The following FBXO34 variants were observed in gnomAD, a reference collection of about 807,000 sequenced individuals.
FBXO34 encodes F-box protein 34.
A neutral mutation model predicts 24.5 loss-of-function variants in FBXO34; 12 were observed. The ratio of observed to expected loss-of-function variants is 0.49; its 90% CI spans 0.31 to 0.79. FBXO34 has a LOEUF of 0.79. FBXO34 is among the 30% of genes least tolerant of loss of function. FBXO34 has a pLI of 0.04. For missense variants in FBXO34, 823 were observed against 857.7 expected, an observed-to-expected ratio of 0.96 and a Z score of 0.51; for synonymous variants, 320 against 311.9, an observed-to-expected ratio of 1.03 and a Z score of -0.27.
chr14:55,418,963 C>T, the FBXO34 span, among the ~76,000 whole-genome samples: 1 of 152,224 alleles, frequency 6.6e-6, no homozygotes, highest in African/African-American at 2.4e-5. Context: ...AGAACTTAAA[C>T]TCACCAAGGC....
Position 55,275,823 on chromosome 14 carries a change from CAAAAAAAAAA to C in FBXO34, c.-11+4295_-11+4304del, listed in dbSNP as rs57849080. Among the ~76,000 whole-genome samples, 4 of 90,036 alleles carry C rather than the reference CAAAAAAAAAA, an allele frequency of 4.4e-5. No homozygotes were observed. In the East Asian group the frequency reaches 1.4e-3, roughly 32 times the overall value. 59.1% of individuals were successfully genotyped at this position (90,036 alleles called of 152,430 possible). ...TGGGTGACAGAGCGAGACTCTGTCT[CAAAAAAAAAA>C]AAAAAAAACGAGGATAAACTATGTT... On this transcript the variant is annotated intron_variant, in intron 1 of 1. Transcript: ENST00000313833.
intron 1 of FBXO34, among the ~76,000 whole-genome samples, chr14:55,331,704 T>C (rs1340503579): frequency 1.6e-5 from 1 of 62,042 alleles, no homozygotes; most frequent in African/African-American, 1.7e-4. Context: ...TATATATATA[T>C]GTATATATAT....
At chr14:55,340,171 G>T (rs933227692) in intron 1 of FBXO34, among the ~76,000 whole-genome samples, 1 of 152,166 alleles carries the variant, frequency 6.6e-6, no homozygotes, top group African/African-American at 2.4e-5. Flanking sequence ...GAGTACGGGG[G>T]TGTGCCACTG....
the FBXO34 span, among the ~76,000 whole-genome samples, chr14:55,375,897 A>G: frequency 3.9e-5 from 6 of 152,362 alleles, no homozygotes; most frequent in Non-Finnish European, 8.8e-5. Context: ...CATGAAGTAT[A>G]ACTTTCCTTG....
chr14:55,350,907 A>G lies in FBXO34; in HGVS notation c.517A>G (p.Arg173Gly). 2 of 1,613,880 alleles carry G rather than the reference A, an allele frequency of 1.2e-6. No individual in the cohort carries two copies. Among genetic ancestry groups the G allele is most frequent in the South Asian group, 1.1e-5 (1 of 90,986 alleles). The change falls in exon 2 of 2, where the codon AGG becomes GGG. Residue 173 changes from arginine to glycine, a missense_variant. This residue lies in a region of FBXO34 where 693 missense variants were observed against 659.1 expected (regional missense o/e 1.05). Coordinates refer to ENST00000313833, the MANE Select transcript of FBXO34 (RefSeq NM_017943.4). The part of the protein sequence containing the change: ...QVERMREVNS[R>G]CYQPEPFACG... ...GGAAAGGATGAGGGAGGTTAACAGC[A>G]GGTGCTACCAACCTGAGCCTTTTGC... is the stretch of plus-strand genomic sequence containing the variant.
At chr14:55,367,101 G>A (rs1884696298) in intron 2 of FBXO34, 1 of 152,504 alleles carries the variant, frequency 6.6e-6, no homozygotes, top group Admixed American at 6.6e-5. Context: ...TAAATTTTGT[G>A]GAAGTACTCT....
At chr14:55,397,445 A>G in the FBXO34 span, 5 of 1,605,382 alleles carry the variant, frequency 3.1e-6, no homozygotes, top group Non-Finnish European at 4.3e-6. Flanking sequence ...CTGTAACAAA[A>G]AAATTCAATG....
At chr14:55,355,233 C>A (rs979333722), downstream of FBXO34, 4 of 152,314 alleles carry the variant, frequency 2.6e-5, no homozygotes, top group African/African-American at 9.7e-5. Flanking sequence ...GTAAGAGTAA[C>A]ATTTGCTTTT....
intron 1 of FBXO34, chr14:55,285,641 T>TG (rs1881736735): frequency 2.0e-5 from 3 of 152,214 alleles, no homozygotes; most frequent in African/African-American, 7.2e-5. Flanking sequence ...AAGGAGAACA[T>TG]GCCTCCTTAA....
At chr14:55,361,034 T>C (rs2140103606) in intron 3 of FBXO34, among the ~76,000 whole-genome samples, 1 of 152,260 alleles carries the variant, frequency 6.6e-6, no homozygotes, top group East Asian at 1.9e-4. Flanking sequence ...TTTTTCCTCT[T>C]TCCATGAATC....
the FBXO34 span, chr14:55,380,661 T>G: frequency 6.2e-7 from 1 of 1,611,542 alleles, no homozygotes; most frequent in Non-Finnish European, 8.5e-7. Context: ...GCAGCACTGA[T>G]GGTGTAGGCA....
chr14:55,389,353 G>C, the FBXO34 span, among the ~76,000 whole-genome samples: 1 of 152,186 alleles, frequency 6.6e-6, no homozygotes, highest in African/African-American at 2.4e-5. Context: ...ACTGAACAAA[G>C]AGCCTTTGGA....
At chr14:55,285,903 A>G (rs1881745738) in intron 1 of FBXO34, among the ~76,000 whole-genome samples, 1 of 152,302 alleles carries the variant, frequency 6.6e-6, no homozygotes, top group African/African-American at 2.4e-5. Flanking sequence ...ACTCTTGCAT[A>G]AGTCCCTTAA....
At position 55,351,786 on chromosome 14, in the gene FBXO34, G is replaced by GACC; in HGVS notation, c.1398_1400dup (p.Asp466_Gln467insHis). The GACC allele has an allele frequency of 6.2e-7, 1 of 1,614,202 alleles. No individual in the cohort carries two copies. Among genetic ancestry groups the GACC allele is most frequent in the Non-Finnish European group, 8.5e-7 (1 of 1,180,054 alleles). On this transcript the variant is annotated inframe_insertion, in exon 2 of 2. Coordinates refer to ENST00000313833, the MANE Select transcript of FBXO34 (RefSeq NM_017943.4). ...TATCACTGTGTCCAAGGTAGACAAA[G>GACC]ACCAGCCTTCCATTTTAAACTCCTG...
chr14:55,324,032 C>T (rs1339090877), intron 1 of FBXO34, among the ~76,000 whole-genome samples: 1 of 152,010 alleles, frequency 6.6e-6, no homozygotes, highest in Non-Finnish European at 1.5e-5. Flanking sequence ...ACATTTTTGT[C>T]ACCCCCATGG....
the FBXO34 span, among the ~76,000 whole-genome samples, chr14:55,411,149 C>T: frequency 9.2e-5 from 14 of 152,220 alleles, no homozygotes; most frequent in Non-Finnish European, 1.6e-4. Flanking sequence ...CTGTGACAGA[C>T]TACCAGGCCC....
chr14:55,328,305 G>C (rs1411479768), intron 1 of FBXO34, among the ~76,000 whole-genome samples: 4 of 152,126 alleles, frequency 2.6e-5, no homozygotes, highest in South Asian at 2.1e-4. Context: ...TTCACTTGAA[G>C]GAAACACTAT....
intron 3 of FBXO34, among the ~76,000 whole-genome samples, chr14:55,358,913 T>C (rs1884556765): frequency 1.3e-5 from 2 of 151,586 alleles, no homozygotes; most frequent in South Asian, 4.2e-4. Flanking sequence ...CACGGGGTGA[T>C]TGTGGTTGGG....
At chr14:55,277,425 G>A (rs1168476028) in intron 1 of FBXO34, among the ~76,000 whole-genome samples, 4 of 152,116 alleles carry the variant, frequency 2.6e-5, no homozygotes, top group East Asian at 3.8e-4. Context: ...GGCTCAAGCC[G>A]TCCTCCTTCC....
Sources: gnomAD v4.1 joint callset for allele counts (sites outside exome capture counted in the v4.1 genomes callset) on GRCh38, gnomAD v4.1.1 for gene constraint, gnomAD v4.1.1 regional missense constraint, MANE v1.5 for transcripts, NCBI Gene and HGNC (gene_info 2026-07-23, HGNC 2026-07-21) for gene names.